The following IPO7 variants were observed in gnomAD, a reference collection of about 807,000 sequenced individuals.
IPO7 encodes the protein importin-7.
IPO7 carries 13 observed loss-of-function variants against 136.4 expected under a neutral mutation model. The ratio of observed to expected loss-of-function variants is 0.10; its 90% CI spans 0.06 to 0.15. The LOEUF is 0.15. Among genes scored for constraint, IPO7 ranks in the 10% least tolerant of loss-of-function variants. IPO7 has a pLI of 1.00. For synonymous variants in IPO7, 403 were observed against 404.4 expected (o/e 1.00, Z 0.04); for missense variants, 857 against 1,240.6 (o/e 0.69, Z 4.65).
At chr11:9,386,096 G>C (rs1341153447) in intron 1 of IPO7, among the ~76,000 whole-genome samples, 4 of 152,164 alleles carry the variant, frequency 2.6e-5, no homozygotes, top group Non-Finnish European at 5.9e-5. Context: ...TTACTAACTG[G>C]ACTTTCAGTG....
chr11:9,388,919 C>A (rs1227778220), intron 1 of IPO7, among the ~76,000 whole-genome samples: 1 of 152,112 alleles, frequency 6.6e-6, no homozygotes, highest in Non-Finnish European at 1.5e-5. Flanking sequence ...TTCTTGAGGT[C>A]ATGAATTGTT....
At chr11:9,421,829 A>G (rs1679263782) in intron 8 of IPO7, among the ~76,000 whole-genome samples, 1 of 151,992 alleles carries the variant, frequency 6.6e-6, no homozygotes, top group Non-Finnish European at 1.5e-5. Context: ...CTGTATTCCC[A>G]GCTGCTTGGG....
rs186223447 is a variant in IPO7, at chr11:9,427,210, A to G, written c.1336-1330A>G. ...TAATTGAGTTGTTAGAAATCTTTAC[A>G]TTCTAAAGCCAGGCACTAAGTACTC... On this transcript the variant is annotated intron_variant, in intron 12 of 24. Transcript: ENST00000379719. 2.1e-3 allele frequency among the ~76,000 whole-genome samples: 317 copies of G among 152,288 alleles called. 1 individual carries two copies. The highest frequency in any genetic ancestry group is 3.8e-3 in the Non-Finnish European group (259 of 68,024).
At chr11:9,424,590 A>G (rs1420699788) in intron 10 of IPO7, among the ~76,000 whole-genome samples, 3 of 152,240 alleles carry the variant, frequency 2.0e-5, no homozygotes, top group Non-Finnish European at 1.5e-5. Context: ...CTAAAAATAC[A>G]AAAATTAGCC....
At chr11:9,419,559 A>AAATATATAT (rs1256216265) in intron 6 of IPO7, among the ~76,000 whole-genome samples, 1 of 116,848 alleles carries the variant, frequency 8.6e-6, no homozygotes, top group Non-Finnish European at 1.7e-5. Flanking sequence ...AAAAAAAAAA[A>AAATATATAT]ATATATATAT....
At chr11:9,417,279 A>G in intron 6 of IPO7, 131 bp downstream of exon 6, 1 of 482,326 alleles carries the variant, frequency 2.1e-6, no homozygotes. Context: ...TTTCTAGATT[A>G]GAGGTACCTT....
chr11:9,403,358 T>C lies in IPO7; in HGVS notation c.153T>C (p.Pro51=). ...CTATGTCGGAACAGCTGGATTTACC[T>C]GTGAGACAGGCAGGCAAGTTTCCTA... The part of the protein sequence containing the change: ...QITMSEQLDL[P]VRQAGVIYLK... The change falls in exon 2 of 25, where the codon CCT becomes CCC. Residue 51 remains proline (P), a synonymous_variant. Coordinates refer to ENST00000379719, the MANE Select transcript of IPO7 (RefSeq NM_006391.3). 1 of 1,611,798 alleles carries C rather than the reference T, an allele frequency of 6.2e-7. No homozygotes were observed. The highest frequency in any genetic ancestry group is 1.1e-5 in the South Asian group (1 of 90,894).
At chr11:9,406,017 C>T (rs1356404171) in intron 2 of IPO7, among the ~76,000 whole-genome samples, 1 of 149,696 alleles carries the variant, frequency 6.7e-6, no homozygotes, top group Non-Finnish European at 1.5e-5. Context: ...GCCTGCCAAA[C>T]ATCTGGGGCT....
intron 2 of IPO7, among the ~76,000 whole-genome samples, chr11:9,406,022 G>T (rs750139329): frequency 4.0e-5 from 6 of 151,254 alleles, no homozygotes; most frequent in Non-Finnish European, 5.9e-5. Context: ...CCAAACATCT[G>T]GGGCTGCAGG....
At chr11:9,427,301 T>C (rs922336652) in intron 12 of IPO7, among the ~76,000 whole-genome samples, 11 of 152,000 alleles carry the variant, frequency 7.2e-5, no homozygotes, top group Non-Finnish European at 1.5e-4. Context: ...CGTTCTGTTA[T>C]ACAGGTTGGA....
intron 6 of IPO7, among the ~76,000 whole-genome samples, chr11:9,419,276 G>A (rs116385391): frequency 0.012 from 1,813 of 152,092 alleles, 49 homozygotes; most frequent in African/African-American, 0.042. Flanking sequence ...TAGGCTGGGC[G>A]TGGTGGCTTA....
chr11:9,394,449 C>T (rs1352403808), intron 1 of IPO7, among the ~76,000 whole-genome samples: 1 of 152,152 alleles, frequency 6.6e-6, no homozygotes, highest in Non-Finnish European at 1.5e-5. Context: ...CCTGTTGCTA[C>T]TACCTGTTGT....
intron 1 of IPO7, among the ~76,000 whole-genome samples, chr11:9,385,851 G>A (rs546484283): frequency 6.6e-6 from 1 of 152,204 alleles, no homozygotes; most frequent in South Asian, 2.1e-4. Flanking sequence ...ACGTATTAAT[G>A]ATCAGTATTT....
chr11:9,412,354 A>G (rs1854978668), intron 4 of IPO7, among the ~76,000 whole-genome samples: 1 of 152,168 alleles, frequency 6.6e-6, no homozygotes, highest in Non-Finnish European at 1.5e-5. Context: ...TTTCTCTCTT[A>G]AGGAAGAGGG....
chr11:9,428,780 T>A lies in IPO7; in HGVS notation c.1425+151T>A, dbSNP rs115665601. ...GTAAATCTTTACATGGCTGCTGTAA[T>A]GTGTGCATAGGTTTCATCTGTGTCT... On this transcript the variant is annotated intron_variant, in intron 13 of 24. Transcript: ENST00000379719. 1.2e-3 allele frequency: 948 copies of A among 785,056 alleles called. 1 individual carries two copies. In the African/African-American group the frequency reaches 0.014, roughly 12 times the overall value. 48.6% of individuals were successfully genotyped at this position (785,056 alleles called of 1,614,324 possible). A position where few individuals can be genotyped will look rare whatever the true frequency, so the allele number is the denominator to read the frequency against.
intron 2 of IPO7, among the ~76,000 whole-genome samples, chr11:9,405,206 G>A (rs2133733235): frequency 6.6e-6 from 1 of 151,916 alleles, no homozygotes; most frequent in African/African-American, 2.4e-5. Flanking sequence ...ACGGAGTCTT[G>A]CTCTGTCGCC....
intron 1 of IPO7, among the ~76,000 whole-genome samples, chr11:9,399,374 T>C (rs1854761043): frequency 1.3e-5 from 2 of 152,132 alleles, no homozygotes; most frequent in Non-Finnish European, 2.9e-5. Context: ...TTGGTCAGGC[T>C]GGTCTTGAAC....
intron 1 of IPO7, among the ~76,000 whole-genome samples, chr11:9,393,443 A>C (rs184991912): frequency 1.3e-5 from 2 of 152,184 alleles, no homozygotes; most frequent in Non-Finnish European, 2.9e-5. Flanking sequence ...GCAGTGGCAC[A>C]GTGACAGCTC....
intron 4 of IPO7, 99 bp from the exon 5 acceptor site, chr11:9,414,156 A>C (rs1485067796): frequency 2.4e-6 from 2 of 840,028 alleles, no homozygotes; most frequent in African/African-American, 1.8e-5. Flanking sequence ...TTGGTTAAGA[A>C]GTATTTGATT....
Sources: allele counts gnomAD v4.1 joint callset (sites outside exome capture counted in the v4.1 genomes callset), GRCh38; gene constraint gnomAD v4.1.1; transcripts MANE v1.5; gene names NCBI Gene and HGNC (gene_info 2026-07-23, HGNC 2026-07-21).